The following TCEANC2 variants were observed in gnomAD, a reference collection of about 807,000 sequenced individuals.
TCEANC2 encodes the protein transcription elongation factor A N-terminal and central domain containing 2.
TCEANC2 carries 20 observed loss-of-function variants against 22.8 expected under a neutral mutation model. The observed-to-expected ratio is 0.88, with a 90% CI of 0.62 to 1.28. TCEANC2 has a LOEUF of 1.28. Among genes scored for constraint, TCEANC2 ranks in the 50% most tolerant of loss-of-function variants. TCEANC2 has a pLI of 0.00. For synonymous variants in TCEANC2, 84 were observed against 95.5 expected (o/e 0.88, Z 0.70); for missense variants, 251 against 249.7 (o/e 1.01, Z -0.03).
chr1:54,079,942 T>A (rs1570010722), intron 3 of TCEANC2, among the ~76,000 whole-genome samples: 1 of 152,278 alleles, frequency 6.6e-6, no homozygotes, highest in East Asian at 1.9e-4. Flanking sequence ...ATTTTTGTTT[T>A]GCAAAAGCCC....
At chr1:54,093,877 G>A (rs914048023) in intron 4 of TCEANC2, among the ~76,000 whole-genome samples, 1 of 151,810 alleles carries the variant, frequency 6.6e-6, no homozygotes, top group South Asian at 2.1e-4. Flanking sequence ...CTAACCATCA[G>A]TGGAGACTAA....
At chr1:54,054,094 C>T in intron 1 of TCEANC2, 1 of 433,510 alleles carries the variant, frequency 2.3e-6, no homozygotes, top group Non-Finnish European at 3.9e-6. Context: ...CACGCTCTAG[C>T]GGGGATTCCA....
rs1658608193 is a variant in TCEANC2, at chr1:54,099,038, C to T, written c.*2565C>T. On this transcript the variant is annotated 3_prime_UTR_variant, in exon 5 of 5. Transcript: ENST00000234827. ...ATCAGGTTTGAAGGGTCTTGAGCAT[C>T]AGGTGAAGGCGTTAGACTGATTTGA... 6.6e-6 allele frequency: 1 copy of T among 152,290 alleles called. No homozygotes were observed. The highest frequency in any genetic ancestry group is 2.4e-5 in the African/African-American group (1 of 41,432). 9.4% of individuals were successfully genotyped at this position (152,290 alleles called of 1,614,324 possible). A position where few individuals can be genotyped will look rare whatever the true frequency, so the allele number is the denominator to read the frequency against.
intron 2 of TCEANC2, among the ~76,000 whole-genome samples, chr1:54,057,037 AT>A (rs1657764221): frequency 6.6e-6 from 1 of 151,004 alleles, no homozygotes; most frequent in South Asian, 2.1e-4. Context: ...GTGAGACACC[AT>A]TTAAAAAAAA....
intron 3 of TCEANC2, among the ~76,000 whole-genome samples, chr1:54,071,132 A>G (rs188096240): frequency 1.1e-3 from 162 of 152,266 alleles, no homozygotes; most frequent in Admixed American, 3.9e-3. Context: ...GGCTGGAGAG[A>G]CATTCTGGAC....
In TCEANC2 at chr1:54,104,926, C is replaced by G. The variant is rs561034376; in HGVS notation, c.*8453C>G. Reference sequence around the variant, plus strand: ...ATGCTGACTTCAGGCTCAGCCCCCTCAGGGCTGAGGGTCTAAATCATGCCT... The same window carrying G: ...ATGCTGACTTCAGGCTCAGCCCCCTGAGGGCTGAGGGTCTAAATCATGCCT... On this transcript the variant is annotated 3_prime_UTR_variant, in exon 5 of 5. Coordinates refer to ENST00000234827, the MANE Select transcript of TCEANC2 (RefSeq NM_153035.3). 4 of 233,004 alleles carry G rather than the reference C, an allele frequency of 1.7e-5. No individual in the cohort carries two copies. The highest frequency in any genetic ancestry group is 2.7e-5 in the Non-Finnish European group (3 of 111,256). The allele number at this position is 233,004 out of a possible 1,614,324, so 14.4% of individuals were successfully genotyped here.
intron 4 of TCEANC2, among the ~76,000 whole-genome samples, chr1:54,091,829 A>G (rs1658452396): frequency 6.6e-6 from 1 of 150,410 alleles, no homozygotes; most frequent in Admixed American, 6.6e-5. Flanking sequence ...CTCATTATCC[A>G]CTCTCCTTTC....
chr1:54,090,993 A>G (rs1433078676), intron 4 of TCEANC2, among the ~76,000 whole-genome samples: 1 of 152,170 alleles, frequency 6.6e-6, no homozygotes, highest in African/African-American at 2.4e-5. Flanking sequence ...AGTGGTAAGC[A>G]CTCAAGTGTT....
chr1:54,067,196 G>A (rs550357234), intron 2 of TCEANC2, among the ~76,000 whole-genome samples: 31 of 152,318 alleles, frequency 2.0e-4, no homozygotes, highest in South Asian at 6.2e-4. Context: ...GCTGTTACCC[G>A]CCGAATTCTT....
chr1:54,073,750 A>G (rs1352393169), intron 3 of TCEANC2, among the ~76,000 whole-genome samples: 2 of 152,232 alleles, frequency 1.3e-5, no homozygotes, highest in Non-Finnish European at 2.9e-5. Flanking sequence ...AAGCAAACCT[A>G]GAGGCTGGAA....
At chr1:54,084,293 G>T (rs778943854) in intron 3 of TCEANC2, among the ~76,000 whole-genome samples, 1 of 152,110 alleles carries the variant, frequency 6.6e-6, no homozygotes, top group African/African-American at 2.4e-5. Flanking sequence ...GGTTACAGAC[G>T]CTAGCTGCTG....
At position 54,096,448 on chromosome 1, in the gene TCEANC2, C is replaced by A; in HGVS notation, c.602C>A (p.Thr201Lys). The change falls in exon 5 of 5, where the codon ACG becomes AAG. Residue 201 changes from threonine (T) to lysine (K), a missense_variant. Transcript: ENST00000234827. This position sits in a 1 kb window ranked among gnomAD's most constrained non-coding sequence, Gnocchi z 4.9. ...AAGAGCGGCTCGCTGCCAGTCGGCA[C>A]GTTTGTACAGACCCACAAAAAGTGA... The part of the protein sequence containing the change: ...QVKSGSLPVG[T>K]FVQTHKK The A allele has an allele frequency of 6.2e-7, 1 of 1,609,344 alleles. No homozygotes were observed. The highest frequency in any genetic ancestry group is 1.7e-5 in the Admixed American group (1 of 59,956).
At chr1:54,094,053 C>G (rs1245325274) in intron 4 of TCEANC2, among the ~76,000 whole-genome samples, 1 of 152,202 alleles carries the variant, frequency 6.6e-6, no homozygotes, top group Non-Finnish European at 1.5e-5. Flanking sequence ...AACTTGGAGT[C>G]TGGGTTCTAG....
Position 54,102,729 on chromosome 1 carries a change from G to A in TCEANC2, c.*6256G>A, listed in dbSNP as rs1658683046. On this transcript the variant is annotated 3_prime_UTR_variant, in exon 5 of 5. Coordinates refer to ENST00000234827, the MANE Select transcript of TCEANC2 (RefSeq NM_153035.3). ...AGCTCTTTATAATATCCAGCTGATA[G>A]AAGAGAAAAAAAGCCATGCCTTATC... The A allele has an allele frequency of 6.6e-6, 1 of 152,230 alleles. No homozygotes were observed. The highest frequency in any genetic ancestry group is 2.1e-4 in the South Asian group (1 of 4,832). 9.4% of individuals were successfully genotyped at this position (152,230 alleles called of 1,614,324 possible).
rs1658573488 is a variant in TCEANC2 at position 54,097,132 on chromosome 1, G to A, written c.*659G>A. The A allele has an allele frequency of 1.2e-5, 3 of 260,356 alleles. No homozygotes were observed. Among genetic ancestry groups the A allele is most frequent in the Non-Finnish European group, 1.8e-5 (3 of 166,824 alleles). The allele number at this position is 260,356 out of a possible 1,614,324, so 16.1% of individuals were successfully genotyped here. ...TCAGGGTTTATTTGAATACGCTGGCGCTCTCAGTTTAGGGCTCTGTAGAAG... is the reference window on the plus strand; with the variant it reads ...TCAGGGTTTATTTGAATACGCTGGCACTCTCAGTTTAGGGCTCTGTAGAAG... On this transcript the variant is annotated 3_prime_UTR_variant, in exon 5 of 5. Transcript: ENST00000234827.
chr1:54,112,263 G>A (rs1658851643), exon 5 of TCEANC2: 1 of 152,238 alleles, frequency 6.6e-6, no homozygotes. Flanking sequence ...CCACTAGGGA[G>A]GCTGAGGCGG....
Position 54,104,877 on chromosome 1 carries a change from C to T in TCEANC2, c.*8404C>T. 1 of 312,632 alleles carries T rather than the reference C, an allele frequency of 3.2e-6. No homozygotes were observed. Among genetic ancestry groups the T allele is most frequent in the Non-Finnish European group, 6.5e-6 (1 of 154,328 alleles). The allele number at this position is 312,632 out of a possible 1,614,324, so 19.4% of individuals were successfully genotyped here. A position where few individuals can be genotyped will look rare whatever the true frequency, so the allele number is the denominator to read the frequency against. On this transcript the variant is annotated 3_prime_UTR_variant, in exon 5 of 5. Transcript: ENST00000234827. Reference sequence around the variant, plus strand: ...TATTTATAAAATAATTATACAAGTGCCCAGACCGTGACCTGAGCAGGATAT... The same window carrying T: ...TATTTATAAAATAATTATACAAGTGTCCAGACCGTGACCTGAGCAGGATAT...
chr1:54,092,093 A>G (rs1658457557), intron 4 of TCEANC2, among the ~76,000 whole-genome samples: 1 of 152,238 alleles, frequency 6.6e-6, no homozygotes, highest in Non-Finnish European at 1.5e-5. Flanking sequence ...AGTGGTCAAA[A>G]AGAAGTGTGG....
At chr1:54,073,283 G>A (rs1188931872) in intron 3 of TCEANC2, among the ~76,000 whole-genome samples, 1 of 152,110 alleles carries the variant, frequency 6.6e-6, no homozygotes, top group Non-Finnish European at 1.5e-5. Flanking sequence ...TCTATCTGTA[G>A]GAATTCTGTG....
Sources: allele counts gnomAD v4.1 joint callset (sites outside exome capture counted in the v4.1 genomes callset), GRCh38; gene constraint gnomAD v4.1.1; non-coding constraint Gnocchi (gnomAD v3.1); transcripts MANE v1.5; gene names NCBI Gene and HGNC (gene_info 2026-07-23, HGNC 2026-07-21).